STX8: variants seen among roughly 807,000 people sequenced by gnomAD.
STX8 encodes the protein syntaxin 8.
Under a neutral mutation model 37.5 loss-of-function variants are expected in STX8, and 23 were observed. The ratio of observed to expected loss-of-function variants is 0.61; its 90% confidence interval spans 0.44 to 0.87. The LOEUF (loss-of-function observed/expected upper bound fraction) is 0.87, where lower values mean the gene tolerates loss of function less well. STX8 is among the 40% of genes least tolerant of loss of function. The pLI, the probability that STX8 is intolerant of heterozygous loss-of-function variation, is 0.00. For synonymous variants in STX8, 115 were observed against 99.1 expected, an observed-to-expected ratio of 1.16 and a Z score of -0.95; for missense variants, 313 against 284.7, an observed-to-expected ratio of 1.10 and a Z score of -0.71.
Position 9,505,262 on chromosome 17 carries a change from A to G in STX8, c.324-100T>C, listed in dbSNP as rs1049662395. The G allele has an allele frequency of 2.2e-6, 3 of 1,389,460 alleles. No individual in the cohort carries two copies. The African/African-American group carries it at 4.3e-5, about 20-fold the overall frequency. The allele number at this position is 1,389,460 out of a possible 1,614,324, so 86.1% of individuals were successfully genotyped here. On this transcript the variant is annotated intron_variant, in intron 4 of 7. Coordinates refer to ENST00000306357, the MANE Select transcript of STX8 (RefSeq NM_004853.3). ...AGGTGGCCAGCCTTGAATGCTTTGA[A>G]AATTCAATTCAAACACAATTTATTG... is the stretch of plus-strand genomic sequence containing the variant.
intron 6 of STX8, among the ~76,000 whole-genome samples, chr17:9,396,390 ATACTC>A (rs1407848591): frequency 6.6e-6 from 1 of 151,936 alleles, no homozygotes; most frequent in African/African-American, 2.4e-5. Context: ...GGCAGTAAAA[ATACTC>A]TATATGGGCC....
intron 6 of STX8, among the ~76,000 whole-genome samples, chr17:9,390,123 T>C (rs1912160824): frequency 6.6e-6 from 1 of 152,180 alleles, no homozygotes; most frequent in Non-Finnish European, 1.5e-5. Flanking sequence ...CCACACTCGC[T>C]CACACCTTAT....
At chr17:9,280,300 C>T (rs2059816497) in intron 7 of STX8, among the ~76,000 whole-genome samples, 1 of 152,220 alleles carries the variant, frequency 6.6e-6, no homozygotes, top group South Asian at 2.1e-4. Flanking sequence ...TGGCTCACGC[C>T]TGTAATCCCA....
chr17:9,399,878 AAAAG>A (rs1206447067), intron 6 of STX8, among the ~76,000 whole-genome samples: 176 of 151,132 alleles, frequency 1.2e-3, no homozygotes, highest in Non-Finnish European at 1.9e-3. Context: ...AAAAAAAAAA[AAAAG>A]AAAGAAAGAA....
At chr17:9,455,424 C>T (rs1467806680) in intron 6 of STX8, among the ~76,000 whole-genome samples, 1 of 150,942 alleles carries the variant, frequency 6.6e-6, no homozygotes, top group Admixed American at 6.6e-5. Flanking sequence ...CGCTTGAACC[C>T]AGGAGGCGGA....
At chr17:9,412,405 G>A (rs1041159254) in intron 6 of STX8, among the ~76,000 whole-genome samples, 2 of 151,654 alleles carry the variant, frequency 1.3e-5, no homozygotes, top group Non-Finnish European at 2.9e-5. Context: ...TCAGCCTCCC[G>A]AGTAGCTGGG....
intron 6 of STX8, among the ~76,000 whole-genome samples, chr17:9,439,248 G>A (rs1904554250): frequency 6.6e-6 from 1 of 152,102 alleles, no homozygotes; most frequent in African/African-American, 2.4e-5. Context: ...GTTCATTAAT[G>A]CAGCATGCAT....
chr17:9,341,768 T>C (rs1296171581), intron 7 of STX8, among the ~76,000 whole-genome samples: 1 of 152,046 alleles, frequency 6.6e-6, no homozygotes, highest in Admixed American at 6.6e-5. Flanking sequence ...TGAAGCAAGA[T>C]TTGAAGTTGA....
intron 6 of STX8, among the ~76,000 whole-genome samples, chr17:9,389,408 C>G (rs1247318812): frequency 6.6e-6 from 1 of 152,228 alleles, no homozygotes; most frequent in African/African-American, 2.4e-5. Context: ...TCAGTACTTG[C>G]ATTTGGTTTC....
chr17:9,309,312 T>C (rs1296672073), intron 7 of STX8, among the ~76,000 whole-genome samples: 1 of 152,190 alleles, frequency 6.6e-6, no homozygotes, highest in Admixed American at 6.5e-5. Context: ...AGCCCTCTTC[T>C]TCACTTAACC....
intron 7 of STX8, among the ~76,000 whole-genome samples, chr17:9,315,996 T>TA (rs1262325046): frequency 1.3e-5 from 2 of 148,748 alleles, no homozygotes; most frequent in African/African-American, 2.5e-5. Flanking sequence ...GCCTGGGTGA[T>TA]AGAGTGAGAC....
chr17:9,443,792 T>C (rs1447242501), intron 6 of STX8, among the ~76,000 whole-genome samples: 2 of 152,234 alleles, frequency 1.3e-5, no homozygotes, highest in African/African-American at 4.8e-5. Flanking sequence ...CCAATGTTCC[T>C]TTGTATTTCT....
intron 7 of STX8, among the ~76,000 whole-genome samples, chr17:9,309,191 G>A (rs1909106600): frequency 1.3e-5 from 2 of 152,034 alleles, no homozygotes; most frequent in South Asian, 4.1e-4. Context: ...ATCTCTAGAA[G>A]GACATTTTTC....
chr17:9,321,974 G>A (rs1909593357), intron 7 of STX8, among the ~76,000 whole-genome samples: 1 of 152,142 alleles, frequency 6.6e-6, no homozygotes, highest in Non-Finnish European at 1.5e-5. Flanking sequence ...CATTATTTAA[G>A]TGTGTTAAAA....
intron 7 of STX8, among the ~76,000 whole-genome samples, chr17:9,314,899 C>G (rs188044253): frequency 2.5e-4 from 38 of 150,260 alleles, no homozygotes; most frequent in Non-Finnish European, 3.3e-4. Context: ...GTCAAGAGAT[C>G]GAGACCATCC....
At chr17:9,484,488 G>A (rs1186570168) in intron 6 of STX8, among the ~76,000 whole-genome samples, 1 of 151,830 alleles carries the variant, frequency 6.6e-6, no homozygotes, top group Admixed American at 6.6e-5. Flanking sequence ...GGCAGGAGGG[G>A]GAAGGTATTC....
chr17:9,363,484 C>T (rs752821768), intron 7 of STX8, among the ~76,000 whole-genome samples: 2 of 152,154 alleles, frequency 1.3e-5, no homozygotes, highest in Non-Finnish European at 2.9e-5. Context: ...GGAAAGCATA[C>T]TTTGAGTATG....
At chr17:9,362,841 AAAT>A (rs1313713321) in intron 7 of STX8, among the ~76,000 whole-genome samples, 12 of 105,986 alleles carry the variant, frequency 1.1e-4, no homozygotes, top group African/African-American at 3.1e-4. Context: ...AAAAAAAAAA[AAAT>A]AAATAAATAA....
At chr17:9,437,554 A>G (rs1264753127) in intron 6 of STX8, among the ~76,000 whole-genome samples, 1 of 152,218 alleles carries the variant, frequency 6.6e-6, no homozygotes, top group Non-Finnish European at 1.5e-5. Context: ...TACAAATTAA[A>G]TTATAAACCT....
Sources: allele counts gnomAD v4.1 joint callset (sites outside exome capture counted in the v4.1 genomes callset), GRCh38; gene constraint gnomAD v4.1.1; transcripts MANE v1.5; gene names NCBI Gene and HGNC (gene_info 2026-07-23, HGNC 2026-07-21).